Variants in CHL1 observed in about 807,000 individuals in gnomAD.
The protein encoded by CHL1 is neural cell adhesion molecule L1-like protein.
Under a neutral mutation model 141.9 loss-of-function variants are expected in CHL1, and 96 were observed. The ratio of observed to expected loss-of-function variants is 0.68; its 90% CI spans 0.57 to 0.80. CHL1 has a LOEUF of 0.80. Ranked by LOEUF, CHL1 falls within the 30% of genes least tolerant of loss-of-function variation. The pLI, the probability that CHL1 is intolerant of heterozygous loss-of-function variation, is 0.00. For missense variants in CHL1, 1,820 were observed against 1,457.2 expected, an observed-to-expected ratio of 1.25 and a Z score of -4.05; for synonymous variants, 613 against 502.2, an observed-to-expected ratio of 1.22 and a Z score of -2.95.
chr3:249,317 G>A (rs1693466391), intron 2 of CHL1, among the ~76,000 whole-genome samples: 1 of 152,086 alleles, frequency 6.6e-6, no homozygotes. Context: ...GCAGTGGAAG[G>A]AAGCCTCATG....
chr3:373,907 G>C (rs941709600), intron 15 of CHL1: 1 of 152,464 alleles, frequency 6.6e-6, no homozygotes, highest in African/African-American at 2.4e-5. Context: ...TCCTCTCCGC[G>C]GATCATGCCA....
intron 2 of CHL1, among the ~76,000 whole-genome samples, chr3:262,836 G>A (rs1694848757): frequency 6.6e-6 from 1 of 152,164 alleles, no homozygotes; most frequent in Non-Finnish European, 1.5e-5. Flanking sequence ...GTTCATTCAA[G>A]CCTTCAAAGA....
At chr3:229,195 C>A (rs781618214) in intron 1 of CHL1, among the ~76,000 whole-genome samples, 14 of 152,172 alleles carry the variant, frequency 9.2e-5, no homozygotes, top group Non-Finnish European at 1.5e-4. Context: ...ATTATAATTT[C>A]TGCTAGCATG....
At chr3:203,129 A>C (rs1256794981) in intron 1 of CHL1, among the ~76,000 whole-genome samples, 1 of 152,246 alleles carries the variant, frequency 6.6e-6, no homozygotes, top group Non-Finnish European at 1.5e-5. Context: ...ATAATTGTGC[A>C]GTGTAAAGAA....
At chr3:264,622 T>G (rs757023736) in intron 2 of CHL1, among the ~76,000 whole-genome samples, 2 of 152,178 alleles carry the variant, frequency 1.3e-5, no homozygotes, top group African/African-American at 4.8e-5. Flanking sequence ...CTTTGACATA[T>G]TCAGAATTTG....
intron 25 of CHL1, 49 bp from the exon 26 acceptor site, chr3:398,968 A>C (rs764368014): frequency 1.4e-5 from 22 of 1,582,478 alleles, no homozygotes; most frequent in Admixed American, 3.4e-5. Flanking sequence ...TACAGAATAC[A>C]AAAGACTGTT....
chr3:297,848 T>C (rs1698339349), intron 2 of CHL1, among the ~76,000 whole-genome samples: 1 of 152,178 alleles, frequency 6.6e-6, no homozygotes, highest in South Asian at 2.1e-4. Flanking sequence ...GATTTTAATA[T>C]TGTGAACTCT....
At chr3:338,890 A>T (rs1353258081) in intron 5 of CHL1, among the ~76,000 whole-genome samples, 1 of 152,172 alleles carries the variant, frequency 6.6e-6, no homozygotes, top group Non-Finnish European at 1.5e-5. Context: ...TATCTGTTCG[A>T]ATTGCTAGGT....
chr3:336,648 G>C (rs1333526465), intron 5 of CHL1, among the ~76,000 whole-genome samples: 1 of 152,196 alleles, frequency 6.6e-6, no homozygotes, highest in Non-Finnish European at 1.5e-5. Context: ...TAACCAGTTA[G>C]TTTTCTAGTG....
At position 342,998 on chromosome 3, in the gene CHL1, G is replaced by T; in HGVS notation, c.694G>T (p.Asp232Tyr). Residue 232 changes from aspartate to tyrosine, a missense_variant, in exon 8 of 28, where the codon GAC becomes TAC. Asp to Tyr is a radical substitution (Grantham distance 160). Transcript: ENST00000256509. ...TTTTATTTCAGTAAAGCATGCTAAT[G>T]ACTCAAGTTCATCCACAGAAATTGG... is the stretch of plus-strand genomic sequence containing the variant. The part of the protein sequence containing the change: ...LTVNSLKHAN[D>Y]SSSSTEIGSK... 2 of 1,608,742 alleles carry T rather than the reference G, an allele frequency of 1.2e-6. No individual in the cohort carries two copies. The highest frequency in any genetic ancestry group is 2.2e-5 in the South Asian group (2 of 90,134).
chr3:303,840 A>G (rs1698978981), intron 2 of CHL1, among the ~76,000 whole-genome samples: 1 of 152,176 alleles, frequency 6.6e-6, no homozygotes, highest in Non-Finnish European at 1.5e-5. Flanking sequence ...TTGCCCATTC[A>G]GTATGATATT....
chr3:251,809 C>A (rs167959), intron 2 of CHL1, among the ~76,000 whole-genome samples: 80,758 of 151,926 alleles, frequency 0.53, 22,510 homozygotes, highest in South Asian at 0.71. Context: ...ATCTTAGATT[C>A]AATTTTATAG....
chr3:361,148 T>C (rs1293281267), intron 12 of CHL1, among the ~76,000 whole-genome samples: 1 of 151,756 alleles, frequency 6.6e-6, no homozygotes, highest in East Asian at 1.9e-4. Flanking sequence ...TAAATGGTGC[T>C]GGGAAAACTG....
At chr3:326,660 G>T (rs1376119345) in intron 4 of CHL1, among the ~76,000 whole-genome samples, 1 of 151,630 alleles carries the variant, frequency 6.6e-6, no homozygotes, top group Non-Finnish European at 1.5e-5. Context: ...TTCTATGTTT[G>T]GGGAGGAAGA....
chr3:250,324 G>A (rs1360661929), intron 2 of CHL1, among the ~76,000 whole-genome samples: 1 of 152,036 alleles, frequency 6.6e-6, no homozygotes, highest in African/African-American at 2.4e-5. Flanking sequence ...AATCAAAAAA[G>A]CAATTAGACC....
chr3:386,419 A>G (rs1707719289), intron 19 of CHL1, among the ~76,000 whole-genome samples: 1 of 152,194 alleles, frequency 6.6e-6, no homozygotes, highest in South Asian at 2.1e-4. Flanking sequence ...CACTTCTCAT[A>G]TATTAAGTCG....
At chr3:392,151 GA>G (rs1295761810) in intron 23 of CHL1, among the ~76,000 whole-genome samples, 2 of 152,104 alleles carry the variant, frequency 1.3e-5, no homozygotes, top group African/African-American at 4.8e-5. Context: ...ACCTGTTTTA[GA>G]AAAAAAGCAG....
chr3:370,581 G>T (rs1705504291), intron 15 of CHL1, among the ~76,000 whole-genome samples: 1 of 148,526 alleles, frequency 6.7e-6, no homozygotes, highest in Non-Finnish European at 1.5e-5. Context: ...TTTTTTGGAG[G>T]GTTTTTCATA....
chr3:221,977 T>C (rs995662861), intron 1 of CHL1, among the ~76,000 whole-genome samples: 1 of 152,240 alleles, frequency 6.6e-6, no homozygotes, highest in Non-Finnish European at 1.5e-5. Context: ...ATGAATATAA[T>C]ATCACTTCAT....
Sources: gnomAD v4.1 joint callset for allele counts (sites outside exome capture counted in the v4.1 genomes callset) on GRCh38, gnomAD v4.1.1 for gene constraint, MANE v1.5 for transcripts, NCBI Gene and HGNC (gene_info 2026-07-23, HGNC 2026-07-21) for gene names.